HACE1: variants seen among roughly 807,000 people sequenced by gnomAD.
The protein encoded by HACE1 is E3 ubiquitin-protein ligase HACE1.
HACE1 carries 73 observed loss-of-function variants against 118.4 expected under a neutral mutation model. The observed-to-expected ratio is 0.62, with a 90% CI of 0.51 to 0.75. HACE1 has a LOEUF of 0.75. Ranked by LOEUF, HACE1 falls within the 30% of genes least tolerant of loss-of-function variation. HACE1 has a pLI of 0.00. For missense variants in HACE1, 749 were observed against 1,102.2 expected (o/e 0.68, Z 4.54); for synonymous variants, 368 against 374.8 (o/e 0.98, Z 0.21).
Position 104,859,588 on chromosome 6 carries a change from G to A in HACE1, c.55C>T (p.Arg19Cys). 6.5e-7 allele frequency: 1 copy of A among 1,527,804 alleles called. No individual in the cohort carries two copies. Among genetic ancestry groups the A allele is most frequent in the Non-Finnish European group, 8.8e-7 (1 of 1,142,118 alleles). The allele number at this position is 1,527,804 out of a possible 1,614,324, so 94.6% of individuals were successfully genotyped here. A position where few individuals can be genotyped will look rare whatever the true frequency, so the allele number is the denominator to read the frequency against. Residue 19 changes from arginine to cysteine, a missense_variant, in exon 1 of 24, where the codon CGC (arginine) becomes TGC (cysteine). Transcript: ENST00000262903. ...NRLTRSLRRA[R>C]TVELPEDNET... is the part of the protein sequence containing the mutation. ...TCACCCTCGGGCAACTCCACGGTGC[G>A]CGCGCGGCGCAGCGAGCGCGTCAGG...
At chr6:104,825,696 T>C (rs1432074213) in intron 6 of HACE1, among the ~76,000 whole-genome samples, 1 of 152,138 alleles carries the variant, frequency 6.6e-6, no homozygotes, top group Non-Finnish European at 1.5e-5. Flanking sequence ...ATATATGGGG[T>C]ATTTAGACCC....
chr6:104,735,654 C>A (rs1245985602), intron 22 of HACE1, among the ~76,000 whole-genome samples: 1 of 151,694 alleles, frequency 6.6e-6, no homozygotes, highest in African/African-American at 2.4e-5. Flanking sequence ...GTAAAAATGA[C>A]TATACCCTGT....
rs1398044588 is a variant in HACE1, at chr6:104,791,503, C to T, written c.1074+1G>A. 1 of 1,611,706 alleles carries T rather than the reference C, an allele frequency of 6.2e-7. No homozygotes were observed. The highest frequency in any genetic ancestry group is 1.3e-5 in the African/African-American group (1 of 74,862). ...CTAACAATGCCATATACTTTTCTCA[C>T]CTTGAACACCTGGCTTCTTGGAGTT... On this transcript the variant is annotated splice_donor_variant, in intron 11 of 23. Coordinates refer to ENST00000262903, the MANE Select transcript of HACE1 (RefSeq NM_020771.4). LOFTEE classifies it high-confidence loss of function.
At position 104,842,042 on chromosome 6, in the gene HACE1, G is replaced by T. The variant is rs1340808769; in HGVS notation, c.402+1181C>A. On this transcript the variant is annotated intron_variant, in intron 5 of 23. Transcript: ENST00000262903. ...TATAAGTCTAATAACAGGACAAAAT[G>T]TTAACAGTAATTTTATCTTTGGGAT... 2.6e-5 allele frequency among the ~76,000 whole-genome samples: 4 copies of T among 152,176 alleles called. No individual in the cohort carries two copies. The East Asian group carries it at 7.7e-4, about 29-fold the overall frequency.
In HACE1 at chr6:104,734,142, CAAAAAAAAA is replaced by C. The variant is rs11370746; in HGVS notation, c.2514-3735_2514-3727del. ...TGAGAAACAGAGCAAGACTCTTCCT[CAAAAAAAAA>C]AAAAAAAAAAAGAAATCATCAAGTC... is the stretch of plus-strand genomic sequence containing the variant. On this transcript the variant is annotated intron_variant, in intron 22 of 23. Coordinates refer to ENST00000262903, the MANE Select transcript of HACE1 (RefSeq NM_020771.4). Among the ~76,000 whole-genome samples, 33 of 87,156 alleles carry C rather than the reference CAAAAAAAAA, an allele frequency of 3.8e-4. No individual in the cohort carries two copies. In the South Asian group the frequency reaches 0.012, roughly 33 times the overall value. 57.2% of individuals were successfully genotyped at this position (87,156 alleles called of 152,430 possible).
chr6:104,852,230 C>A, intron 2 of HACE1, 87 bp downstream of exon 2: 1 of 697,330 alleles, frequency 1.4e-6, no homozygotes, highest in Non-Finnish European at 2.6e-6. Flanking sequence ...TGTGTGTGTG[C>A]GCGCGTGCGC....
In HACE1 at chr6:104,728,537, T is replaced by C. The variant is rs1243065326; in HGVS notation, c.*1125A>G. Reference sequence around the variant, plus strand: ...AAACATTACTGGCAAACACAATGACTGCTTATGAGAAAATCTGCATATGTC... The same window carrying C: ...AAACATTACTGGCAAACACAATGACCGCTTATGAGAAAATCTGCATATGTC... On this transcript the variant is annotated 3_prime_UTR_variant, in exon 24 of 24. Transcript: ENST00000262903. 6.6e-6 allele frequency: 1 copy of C among 152,216 alleles called. No individual in the cohort carries two copies. The highest frequency in any genetic ancestry group is 2.4e-5 in the African/African-American group (1 of 41,466). 9.4% of individuals were successfully genotyped at this position (152,216 alleles called of 1,614,324 possible). A position where few individuals can be genotyped will look rare whatever the true frequency, so the allele number is the denominator to read the frequency against.
intron 4 of HACE1, among the ~76,000 whole-genome samples, chr6:104,845,442 C>A (rs1204196054): frequency 6.8e-6 from 1 of 146,946 alleles, no homozygotes; most frequent in Non-Finnish European, 1.5e-5. Flanking sequence ...GCATTATAAT[C>A]AAAGAAACTG....
At chr6:104,743,566 C>G (rs1777067414) in intron 22 of HACE1, among the ~76,000 whole-genome samples, 1 of 151,738 alleles carries the variant, frequency 6.6e-6, no homozygotes, top group African/African-American at 2.4e-5. Flanking sequence ...AAATGAAAAT[C>G]AGACTTTTTT....
At position 104,791,663 on chromosome 6, in the gene HACE1, A is replaced by T; in HGVS notation, c.924-9T>A. The T allele has an allele frequency of 1.9e-6, 3 of 1,578,780 alleles. No individual in the cohort carries two copies. The highest frequency in any genetic ancestry group is 2.6e-6 in the Non-Finnish European group (3 of 1,148,836). On this transcript the variant is annotated splice_polypyrimidine_tract_variant and intron_variant, in intron 10 of 23. Coordinates refer to ENST00000262903, the MANE Select transcript of HACE1 (RefSeq NM_020771.4). ...CATAATTGCTAGAGAGGCTGAAAAT[A>T]AAAATTAAAATATGAGATTAGAGTA...
intron 18 of HACE1, 104 bp from the exon 19 acceptor site, chr6:104,771,493 T>C (rs1214476233): frequency 3.1e-5 from 22 of 714,684 alleles, no homozygotes; most frequent in Non-Finnish European, 2.2e-5. Context: ...AACTGCAAAA[T>C]ATAATACAAT....
intron 10 of HACE1, among the ~76,000 whole-genome samples, chr6:104,791,985 T>C (rs1783073328): frequency 6.6e-6 from 1 of 152,198 alleles, no homozygotes; most frequent in South Asian, 2.1e-4. Flanking sequence ...CAGAAGTATA[T>C]TTGTAAATTA....
At chr6:104,744,727 G>A in intron 20 of HACE1, 117 bp from the exon 21 acceptor site, 1 of 680,514 alleles carries the variant, frequency 1.5e-6, no homozygotes, top group Non-Finnish European at 2.7e-6. Context: ...ATATATTTTT[G>A]TGACAGTTCC....
chr6:104,753,616 G>A (rs889419383), intron 19 of HACE1, among the ~76,000 whole-genome samples: 18 of 152,114 alleles, frequency 1.2e-4, no homozygotes, highest in Non-Finnish European at 2.4e-4. Flanking sequence ...AGGCAACTGG[G>A]GTCTGGAGAG....
chr6:104,826,913 C>T (rs974479880), intron 6 of HACE1, among the ~76,000 whole-genome samples: 1 of 152,096 alleles, frequency 6.6e-6, no homozygotes, highest in Admixed American at 6.6e-5. Flanking sequence ...CTCCTCCTTA[C>T]AGAATAAGAA....
chr6:104,828,300 A>G (rs940786013), intron 6 of HACE1, among the ~76,000 whole-genome samples: 2 of 152,068 alleles, frequency 1.3e-5, no homozygotes, highest in Non-Finnish European at 2.9e-5. Flanking sequence ...TGATCTGTGT[A>G]CTTTTACAGA....
chr6:104,845,945 T>A (rs1775628903), intron 4 of HACE1: 1 of 152,208 alleles, frequency 6.6e-6, no homozygotes, highest in Non-Finnish European at 1.5e-5. Flanking sequence ...TATACCTATA[T>A]GGGTGGATTT....
chr6:104,771,918 G>C lies in HACE1; in HGVS notation c.2014+7C>G. The C allele has an allele frequency of 6.4e-7, 1 of 1,564,266 alleles. No homozygotes were observed. Among genetic ancestry groups the C allele is most frequent in the Non-Finnish European group, 8.8e-7 (1 of 1,135,546 alleles). Reference sequence around the variant, plus strand: ...AAATGTCTGCAGAAATAATAATAGAGCCATACCAAGAATGTGCTTGTAGAA... The same window carrying C: ...AAATGTCTGCAGAAATAATAATAGACCCATACCAAGAATGTGCTTGTAGAA... On this transcript the variant is annotated splice_region_variant and intron_variant, in intron 18 of 23. Coordinates refer to ENST00000262903, the MANE Select transcript of HACE1 (RefSeq NM_020771.4).
chr6:104,777,064 A>G lies in HACE1; in HGVS notation c.1725T>C (p.Cys575=). 6.2e-7 allele frequency: 1 copy of G among 1,613,346 alleles called. No homozygotes were observed. The highest frequency in any genetic ancestry group is 8.5e-7 in the Non-Finnish European group (1 of 1,179,406). ...CAGCAATCCCTTGCTTTAGCTTTGC[A>G]CAATTTGCTTTTGACACAACTTCAC... The part of the protein sequence containing the change: ...SSCEVVSKAN[C]AKLKQGIAVR... Residue 575 remains cysteine (C), a synonymous_variant, in exon 16 of 24, where the codon TGT becomes TGC. Transcript: ENST00000262903.
Sources: gnomAD v4.1 joint callset for allele counts (sites outside exome capture counted in the v4.1 genomes callset) on GRCh38, gnomAD v4.1.1 for gene constraint, MANE v1.5 for transcripts, NCBI Gene and HGNC (gene_info 2026-07-23, HGNC 2026-07-21) for gene names.